TNR: variants seen among roughly 807,000 people sequenced by gnomAD.
TNR encodes the protein tenascin-R.
TNR carries 45 observed loss-of-function variants against 150.4 expected under a neutral mutation model. The ratio of observed to expected loss-of-function variants is 0.30; its 90% CI spans 0.24 to 0.38. The LOEUF is 0.38. Among genes scored for constraint, TNR ranks in the 10% least tolerant of loss-of-function variants. The pLI is 1.00. For missense variants in TNR, 1,544 were observed against 1,759.1 expected (o/e 0.88, Z 2.19); for synonymous variants, 687 against 678.4 (o/e 1.01, Z -0.20).
chr1:175,510,203 C>T (rs946213840), intron 2 of TNR, among the ~76,000 whole-genome samples: 11 of 152,098 alleles, frequency 7.2e-5, no homozygotes, highest in East Asian at 1.9e-4. Context: ...CACTCCAGCC[C>T]GGATGACAGA....
At chr1:175,566,001 G>A (rs1311205126) in intron 1 of TNR, among the ~76,000 whole-genome samples, 1 of 152,134 alleles carries the variant, frequency 6.6e-6, no homozygotes, top group African/African-American at 2.4e-5. Flanking sequence ...GCTTTCAAAA[G>A]AAAAGACAAG....
intron 1 of TNR, among the ~76,000 whole-genome samples, chr1:175,735,679 G>T (rs1263120805): frequency 8.5e-5 from 13 of 152,144 alleles, no homozygotes; most frequent in Admixed American, 8.5e-4. Flanking sequence ...GGAGGTGGTT[G>T]TTAGATGTTC....
At chr1:175,680,769 G>A (rs536547081) in intron 1 of TNR, among the ~76,000 whole-genome samples, 3 of 152,344 alleles carry the variant, frequency 2.0e-5, no homozygotes, top group South Asian at 2.1e-4. Context: ...GGGTCTGAGT[G>A]TAAGGACTGA....
intron 1 of TNR, among the ~76,000 whole-genome samples, chr1:175,633,984 G>A (rs1044457448): frequency 4.6e-5 from 7 of 151,336 alleles, no homozygotes; most frequent in East Asian, 1.9e-4. Context: ...TTTTTCTTTC[G>A]TAGGACTGGG....
At chr1:175,535,324 C>T (rs547225452) in intron 1 of TNR, among the ~76,000 whole-genome samples, 1 of 152,350 alleles carries the variant, frequency 6.6e-6, no homozygotes, top group African/African-American at 2.4e-5. Context: ...TAGCAACGAG[C>T]TCCACGTCTC....
At chr1:175,733,153 T>G (rs764682266) in intron 1 of TNR, among the ~76,000 whole-genome samples, 4 of 152,224 alleles carry the variant, frequency 2.6e-5, no homozygotes, top group Admixed American at 6.5e-5. Flanking sequence ...TGGCAAATAA[T>G]CTCTTTAGCA....
chr1:175,483,141 C>T (rs917862788), intron 2 of TNR, among the ~76,000 whole-genome samples: 1 of 152,184 alleles, frequency 6.6e-6, no homozygotes, highest in Admixed American at 6.5e-5. Context: ...GATGAATGAA[C>T]AGGCTCCAGT....
chr1:175,639,629 T>C (rs1285468139), intron 1 of TNR, among the ~76,000 whole-genome samples: 10 of 152,190 alleles, frequency 6.6e-5, no homozygotes, highest in Non-Finnish European at 1.5e-4. Context: ...TTTAGTGTCT[T>C]TCTAGCTCAT....
intron 1 of TNR, among the ~76,000 whole-genome samples, chr1:175,650,326 T>C (rs1664922628): frequency 6.6e-6 from 1 of 151,988 alleles, no homozygotes; most frequent in Non-Finnish European, 1.5e-5. Context: ...GAGGATGAAG[T>C]GAGCTAAGAT....
chr1:175,463,882 G>T (rs1245939836), intron 2 of TNR, among the ~76,000 whole-genome samples: 1 of 152,214 alleles, frequency 6.6e-6, no homozygotes, highest in South Asian at 2.1e-4. Flanking sequence ...CAGAATATAT[G>T]ATTCCAATGG....
chr1:175,405,914 G>A (rs946896997), intron 3 of TNR, among the ~76,000 whole-genome samples: 10 of 152,178 alleles, frequency 6.6e-5, no homozygotes, highest in African/African-American at 2.4e-4. Context: ...GTGCTGAACC[G>A]ATGAACCATT....
chr1:175,642,178 TC>T (rs1664684252), intron 1 of TNR, among the ~76,000 whole-genome samples: 1 of 151,990 alleles, frequency 6.6e-6, no homozygotes, highest in South Asian at 2.1e-4. Context: ...GAAGAACACT[TC>T]CCCCACCACC....
At chr1:175,451,915 A>G (rs1325314706) in intron 2 of TNR, among the ~76,000 whole-genome samples, 1 of 152,194 alleles carries the variant, frequency 6.6e-6, no homozygotes, top group Admixed American at 6.5e-5. Context: ...CTTACCTGTC[A>G]TCTCTGAGCT....
chr1:175,534,594 G>A (rs1386923963), intron 1 of TNR, among the ~76,000 whole-genome samples: 1 of 152,200 alleles, frequency 6.6e-6, no homozygotes, highest in Non-Finnish European at 1.5e-5. Context: ...TATCTAGTGA[G>A]CAATTTCCAT....
At chr1:175,532,707 A>G (rs1433298803) in intron 1 of TNR, among the ~76,000 whole-genome samples, 2 of 152,206 alleles carry the variant, frequency 1.3e-5, no homozygotes, top group Non-Finnish European at 2.9e-5. Context: ...TTCAGTCAAG[A>G]TGTTGAAGGT....
chr1:175,329,166 G>A (rs968288747), intron 21 of TNR, among the ~76,000 whole-genome samples: 103 of 152,270 alleles, frequency 6.8e-4, no homozygotes, highest in African/African-American at 2.5e-3. Context: ...ACACCTTAAT[G>A]CTCTTCTTAA....
chr1:175,575,733 G>A (rs1662081500), intron 1 of TNR, among the ~76,000 whole-genome samples: 1 of 152,198 alleles, frequency 6.6e-6, no homozygotes, highest in South Asian at 2.1e-4. Context: ...TTCCAGGTGG[G>A]AGAGAGCCCG....
At chr1:175,700,681 ACAG>A (rs1666666646) in intron 1 of TNR, among the ~76,000 whole-genome samples, 1 of 152,198 alleles carries the variant, frequency 6.6e-6, no homozygotes, top group Non-Finnish European at 1.5e-5. Context: ...GGATGAGGGC[ACAG>A]TGTTCCATAC....
Position 175,406,517 on chromosome 1 carries a change from G to A in TNR, c.198C>T (p.Asn66=), listed in dbSNP as rs1653971760. 1.2e-6 allele frequency: 2 copies of A among 1,614,208 alleles called. No individual in the cohort carries two copies. Among genetic ancestry groups the A allele is most frequent in the East Asian group, 4.5e-5 (2 of 44,874 alleles). Residue 66 remains asparagine (N), a synonymous_variant, in exon 3 of 23, where the codon AAC becomes AAT. Transcript: ENST00000367674. ...TSSKEQPVVF[N]HVYNINVPLD... ...AGGGCACGTTAATGTTGTACACGTG[G>A]TTGAAGACCACAGGCTGCTCTTTGC...
Sources: gnomAD v4.1 joint callset for allele counts (sites outside exome capture counted in the v4.1 genomes callset) on GRCh38, gnomAD v4.1.1 for gene constraint, MANE v1.5 for transcripts, NCBI Gene and HGNC (gene_info 2026-07-23, HGNC 2026-07-21) for gene names.